Variants in RNF216 observed in about 807,000 individuals in gnomAD.
RNF216 encodes the protein ring finger protein 216.
Under a neutral mutation model 110.8 loss-of-function variants are expected in RNF216, and 72 were observed. The observed-to-expected ratio is 0.65, with a 90% CI of 0.54 to 0.79. The LOEUF is 0.79. Ranked by LOEUF, RNF216 falls within the 30% of genes least tolerant of loss-of-function variation. RNF216 has a pLI of 0.00. For synonymous variants in RNF216, 495 were observed against 407.5 expected, an observed-to-expected ratio of 1.21 and a Z score of -2.59; for missense variants, 1,342 against 1,141.2, an observed-to-expected ratio of 1.18 and a Z score of -2.54.
intron 14 of RNF216, among the ~76,000 whole-genome samples, chr7:5,648,229 CCTGAGTAG>C (rs540739455): frequency 6.6e-6 from 1 of 151,930 alleles, no homozygotes; most frequent in East Asian, 2.0e-4. Flanking sequence ...GCCTCAGCCT[CCTGAGTAG>C]CTGGCATTAC....
intron 5 of RNF216, among the ~76,000 whole-genome samples, chr7:5,735,783 G>A (rs1431469535): frequency 6.6e-6 from 1 of 152,176 alleles, no homozygotes; most frequent in Non-Finnish European, 1.5e-5. Context: ...TGACAAGCAT[G>A]TTAAGTAAAA....
intron 13 of RNF216, among the ~76,000 whole-genome samples, chr7:5,704,735 T>G (rs1006129961): frequency 2.6e-5 from 4 of 152,114 alleles, no homozygotes; most frequent in African/African-American, 7.2e-5. Flanking sequence ...AAGGACAAGG[T>G]GGGGACTTCT....
intron 5 of RNF216, among the ~76,000 whole-genome samples, chr7:5,738,698 A>G (rs2128650778): frequency 9.3e-6 from 1 of 107,920 alleles, no homozygotes; most frequent in East Asian, 2.6e-4. Context: ...ACAGAGTGAG[A>G]CTCCGTCTCA....
At chr7:5,644,708 T>C (rs1787946624) in intron 14 of RNF216, among the ~76,000 whole-genome samples, 1 of 152,202 alleles carries the variant, frequency 6.6e-6, no homozygotes, top group Admixed American at 6.5e-5. Context: ...TTTCACCATG[T>C]TGTCCAGGCT....
At chr7:5,728,706 C>G (rs1169416678) in intron 7 of RNF216, among the ~76,000 whole-genome samples, 3 of 152,212 alleles carry the variant, frequency 2.0e-5, no homozygotes, top group Non-Finnish European at 4.4e-5. Flanking sequence ...TTAACCACTA[C>G]GATAACTCCA....
intron 2 of RNF216, among the ~76,000 whole-genome samples, chr7:5,759,952 G>A (rs1584592085): frequency 6.6e-6 from 1 of 151,822 alleles, no homozygotes; most frequent in East Asian, 1.9e-4. Flanking sequence ...TTTTTGTAAG[G>A]TCAAATGTAA....
chr7:5,703,316 C>A (rs1055863061), intron 13 of RNF216, among the ~76,000 whole-genome samples: 1 of 152,188 alleles, frequency 6.6e-6, no homozygotes, highest in Non-Finnish European at 1.5e-5. Context: ...ATGTGAAGGC[C>A]GTGCTCAGCA....
chr7:5,627,291 T>C (rs1448264271), intron 15 of RNF216, among the ~76,000 whole-genome samples: 1 of 152,122 alleles, frequency 6.6e-6, no homozygotes, highest in African/African-American at 2.4e-5. Flanking sequence ...CCCTGCCCCA[T>C]ACACAGCAGC....
chr7:5,750,986 A>T (rs1319506660), intron 3 of RNF216, among the ~76,000 whole-genome samples: 4 of 152,244 alleles, frequency 2.6e-5, no homozygotes, highest in African/African-American at 7.2e-5. Flanking sequence ...TACTTGGTTA[A>T]AACAAGGTAG....
chr7:5,701,621 CTA>C (rs1256125619), intron 13 of RNF216, among the ~76,000 whole-genome samples: 7 of 152,176 alleles, frequency 4.6e-5, no homozygotes, highest in Non-Finnish European at 8.8e-5. Context: ...AGTATTCACC[CTA>C]TGTCACAAAG....
At position 5,622,965 on chromosome 7, in the gene RNF216, G is replaced by C. The variant is rs766746548; in HGVS notation, c.2667C>G (p.Pro889=). The C allele has an allele frequency of 5.6e-6, 9 of 1,613,976 alleles. No homozygotes were observed. Among genetic ancestry groups the C allele is most frequent in the Non-Finnish European group, 2.5e-6 (3 of 1,180,026 alleles). Residue 889 remains proline, a synonymous_variant, in exon 17 of 17, where the codon CCC becomes CCG. Transcript: ENST00000389902. ...NMGPIPAPYV[P]PLPNVRVNYD... ...AGTTGACCCGCACGTTGGGCAGAGG[G>C]GGCACGTACGGGGCTGGGATAGGCC...
chr7:5,655,441 T>C lies in RNF216; in HGVS notation c.2062-2931A>G, dbSNP rs180732644. 9.2e-5 allele frequency among the ~76,000 whole-genome samples: 14 copies of C among 152,224 alleles called. No homozygotes were observed. In the East Asian group the frequency reaches 2.5e-3, roughly 27 times the overall value. On this transcript the variant is annotated intron_variant, in intron 13 of 16. Transcript: ENST00000389902. ...GGAGAAACCCCATCTCTACTAAAAA[T>C]ACAAAAATTAGCTGGACGTGGTGGC... is the stretch of plus-strand genomic sequence containing the variant.
intron 15 of RNF216, among the ~76,000 whole-genome samples, chr7:5,632,912 G>A (rs978325971): frequency 2.0e-5 from 3 of 152,204 alleles, no homozygotes; most frequent in Admixed American, 6.5e-5. Context: ...CCCAAATGCA[G>A]TGTCAAGGAC....
Position 5,711,954 on chromosome 7 carries a change from C to T in RNF216, c.1983-115G>A, listed in dbSNP as rs770287596. 3 of 786,748 alleles carry T rather than the reference C, an allele frequency of 3.8e-6. No homozygotes were observed. In the African/African-American group the frequency reaches 5.2e-5, roughly 14 times the overall value. 48.7% of individuals were successfully genotyped at this position (786,748 alleles called of 1,614,324 possible). A position where few individuals can be genotyped will look rare whatever the true frequency, so the allele number is the denominator to read the frequency against. ...GTTTTGAGCTGGACATTCACATCCC[C>T]TTTATACTCCTTAGTTTTCCTTAAA... is the stretch of plus-strand genomic sequence containing the variant. On this transcript the variant is annotated intron_variant, in intron 12 of 16. Coordinates refer to ENST00000389902, the MANE Select transcript of RNF216 (RefSeq NM_207111.4).
At position 5,741,872 on chromosome 7, in the gene RNF216, A is replaced by T. The variant is rs988376317; in HGVS notation, c.202-57T>A. ...TTCTTTCCTATGCCTATCCCTCCTT[A>T]TGTACTTATATTGAGCTTCCGAGAT... is the stretch of plus-strand genomic sequence containing the variant. On this transcript the variant is annotated intron_variant, in intron 3 of 16. Transcript: ENST00000389902. 2.0e-6 allele frequency: 3 copies of T among 1,522,464 alleles called. No homozygotes were observed. In the African/African-American group the frequency reaches 4.2e-5, roughly 21 times the overall value. 94.3% of individuals were successfully genotyped at this position (1,522,464 alleles called of 1,614,324 possible). A position where few individuals can be genotyped will look rare whatever the true frequency, so the allele number is the denominator to read the frequency against.
chr7:5,730,035 G>A (rs565047570), intron 6 of RNF216, among the ~76,000 whole-genome samples: 3 of 152,192 alleles, frequency 2.0e-5, no homozygotes, highest in South Asian at 2.1e-4. Context: ...GACAATGATT[G>A]AAGTTTTTAA....
intron 13 of RNF216, among the ~76,000 whole-genome samples, chr7:5,673,543 G>A (rs1367310995): frequency 6.6e-6 from 1 of 152,230 alleles, no homozygotes; most frequent in African/African-American, 2.4e-5. Flanking sequence ...GCAGTATGCA[G>A]GGAAGAGAGC....
intron 1 of RNF216, among the ~76,000 whole-genome samples, chr7:5,770,719 A>C (rs1796450519): frequency 6.6e-6 from 1 of 152,154 alleles, no homozygotes; most frequent in Admixed American, 6.6e-5. Context: ...GAGATATTGT[A>C]TTACTATTAA....
rs11319565 is a variant in RNF216, at chr7:5,671,805, CAAA to C, written c.2062-19298_2062-19296del. Among the ~76,000 whole-genome samples, 279 of 54,208 alleles carry C rather than the reference CAAA, an allele frequency of 5.1e-3. 1 individual carries two copies. The highest frequency in any genetic ancestry group is 0.022 in the African/African-American group (271 of 12,368). The allele number at this position is 54,208 out of a possible 152,430, so 35.6% of individuals were successfully genotyped here. A position where few individuals can be genotyped will look rare whatever the true frequency, so the allele number is the denominator to read the frequency against. ...GAGCAAAGAGACCAAAACTCCGTCTCAAAAAAAAAAAAAAAAAAAAAAAAGGAC... is the reference window on the plus strand; with the variant it reads ...GAGCAAAGAGACCAAAACTCCGTCTCAAAAAAAAAAAAAAAAAAAAAGGAC... On this transcript the variant is annotated intron_variant, in intron 13 of 16. Transcript: ENST00000389902.
Sources: allele counts gnomAD v4.1 joint callset (sites outside exome capture counted in the v4.1 genomes callset), GRCh38; gene constraint gnomAD v4.1.1; transcripts MANE v1.5; gene names NCBI Gene and HGNC (gene_info 2026-07-23, HGNC 2026-07-21).